PLEKHA6: variants seen among roughly 807,000 people sequenced by gnomAD.
PLEKHA6 encodes pleckstrin homology domain-containing family A member 6.
A neutral mutation model predicts 116.7 loss-of-function variants in PLEKHA6; 60 were observed. The ratio of observed to expected loss-of-function variants is 0.51; its 90% CI spans 0.42 to 0.64. The LOEUF (loss-of-function observed/expected upper bound fraction) is 0.64, where lower values mean the gene tolerates loss of function less well. Among genes scored for constraint, PLEKHA6 ranks in the 30% least tolerant of loss-of-function variants. The pLI, the probability that PLEKHA6 is intolerant of heterozygous loss-of-function variation, is 0.00. For synonymous variants in PLEKHA6, 489 were observed against 556.1 expected (o/e 0.88, Z 1.70); for missense variants, 1,338 against 1,422.7 (o/e 0.94, Z 0.96).
chr1:204,278,736 A>C (rs1402688532), intron 1 of PLEKHA6, among the ~76,000 whole-genome samples: 1 of 152,226 alleles, frequency 6.6e-6, no homozygotes, highest in African/African-American at 2.4e-5. Context: ...TGGTGACAGG[A>C]GGCCTCGGTT....
chr1:204,258,861 G>A (rs952216235), intron 8 of PLEKHA6, among the ~76,000 whole-genome samples: 1 of 152,222 alleles, frequency 6.6e-6, no homozygotes, highest in African/African-American at 2.4e-5. Flanking sequence ...GGCAGTTAGT[G>A]AGTCTCAAGT....
intron 1 of PLEKHA6, among the ~76,000 whole-genome samples, chr1:204,301,807 G>T (rs1469331384): frequency 6.6e-6 from 1 of 152,132 alleles, no homozygotes; most frequent in Non-Finnish European, 1.5e-5. Flanking sequence ...ACCAGCCCTG[G>T]TCAGTAACAG....
chr1:204,363,969 A>G (rs1262703804), upstream of PLEKHA6, among the ~76,000 whole-genome samples: 1 of 152,120 alleles, frequency 6.6e-6, no homozygotes, highest in African/African-American at 2.4e-5. Context: ...AACCACACGC[A>G]CACTCGAGCA....
intron 1 of PLEKHA6, chr1:204,347,377 C>A (rs1673100515): frequency 5.1e-6 from 3 of 593,596 alleles, no homozygotes; most frequent in Non-Finnish European, 9.0e-6. Flanking sequence ...AAGGTGATCT[C>A]TCTTGTTCCC....
At chr1:204,273,822 C>T in intron 2 of PLEKHA6, 82 bp from the exon 3 acceptor site, 1 of 932,778 alleles carries the variant, frequency 1.1e-6, no homozygotes, top group Non-Finnish European at 1.7e-6. Flanking sequence ...CCACACCCTG[C>T]CACCCACTGT....
chr1:204,255,617 T>C (rs1665175555), intron 9 of PLEKHA6: 6 of 702,886 alleles, frequency 8.5e-6, no homozygotes, highest in Non-Finnish European at 1.0e-5. Flanking sequence ...GGGCACCAGC[T>C]CTGCCTACCT....
chr1:204,329,530 C>T (rs1313200695), intron 1 of PLEKHA6, among the ~76,000 whole-genome samples: 1 of 152,142 alleles, frequency 6.6e-6, no homozygotes, highest in East Asian at 1.9e-4. Context: ...ATCTAGGCTG[C>T]CAATATCACA....
chr1:204,293,866 AC>A (rs1670011278), intron 1 of PLEKHA6, among the ~76,000 whole-genome samples: 1 of 152,220 alleles, frequency 6.6e-6, no homozygotes, highest in Non-Finnish European at 1.5e-5. Flanking sequence ...CAATGCATGA[AC>A]ATGGAGAAAG....
intron 3 of PLEKHA6, among the ~76,000 whole-genome samples, chr1:204,366,212 CAAGAGGGAG>C (rs1367823175): frequency 6.6e-6 from 1 of 152,092 alleles, no homozygotes; most frequent in Non-Finnish European, 1.5e-5. Context: ...ATGGTATCTG[CAAGAGGGAG>C]AAAAGAAGAA....
At chr1:204,349,616 G>A (rs979916266) in intron 1 of PLEKHA6, among the ~76,000 whole-genome samples, 17 of 151,974 alleles carry the variant, frequency 1.1e-4, no homozygotes, top group African/African-American at 3.6e-4. Context: ...TTCAGCAGGC[G>A]TTAGGGTGGG....
At position 204,328,480 on chromosome 1, in the gene PLEKHA6, T is replaced by C. The variant is rs1398859859; in HGVS notation, c.-95+31214A>G. On this transcript the variant is annotated intron_variant, in intron 1 of 22. Transcript: ENST00000272203. ...GGCACCATCTCGGCTCACTGCAACC[T>C]CTGCCTCTCGGGTTTCCCTGCCTCA... Among the ~76,000 whole-genome samples the C allele has an allele frequency of 2.0e-5, 3 of 151,340 alleles. No individual in the cohort carries two copies. The East Asian group carries it at 5.8e-4, about 29-fold the overall frequency.
chr1:204,226,464 C>T (rs1348971341), intron 21 of PLEKHA6, among the ~76,000 whole-genome samples: 3 of 152,180 alleles, frequency 2.0e-5, no homozygotes, highest in Non-Finnish European at 2.9e-5. Flanking sequence ...TCTCTAACCC[C>T]TTGAAACAGG....
Position 204,228,677 on chromosome 1 carries a change from C to T in PLEKHA6, c.2885+51G>A. The T allele has an allele frequency of 2.5e-6, 4 of 1,593,272 alleles. No individual in the cohort carries two copies. The highest frequency in any genetic ancestry group is 3.4e-6 in the Non-Finnish European group (4 of 1,161,636). On this transcript the variant is annotated intron_variant, in intron 20 of 22. Transcript: ENST00000272203. This position sits in a 1 kb window ranked among gnomAD's most constrained non-coding sequence, Gnocchi z 4.0. ...CAACGACTTCTAGTGGCCCAGGTGT[C>T]CTAGGTGCCAGGGTGAGCAGAGGAA...
chr1:204,360,154 G>GC (rs1282849773), upstream of PLEKHA6, among the ~76,000 whole-genome samples: 1 of 152,218 alleles, frequency 6.6e-6, no homozygotes, highest in Non-Finnish European at 1.5e-5. Flanking sequence ...GGAGAAGGCT[G>GC]CCCCCCAAAG....
At chr1:204,265,425 T>A (rs1666680782) in intron 5 of PLEKHA6, among the ~76,000 whole-genome samples, 1 of 152,214 alleles carries the variant, frequency 6.6e-6, no homozygotes, top group Non-Finnish European at 1.5e-5. Flanking sequence ...AACAAACCTA[T>A]GAGGAGGTAC....
intron 1 of PLEKHA6, among the ~76,000 whole-genome samples, chr1:204,276,757 T>C (rs892632191): frequency 6.6e-6 from 1 of 151,468 alleles, no homozygotes; most frequent in African/African-American, 2.4e-5. Context: ...GCCCCAGACT[T>C]TCCTACCCAG....
At chr1:204,225,199 G>A (rs1373707099) in intron 21 of PLEKHA6, among the ~76,000 whole-genome samples, 1 of 152,184 alleles carries the variant, frequency 6.6e-6, no homozygotes, top group Non-Finnish European at 1.5e-5. Flanking sequence ...ATTTAGCATA[G>A]CTACAAACAG....
At chr1:204,336,336 C>T (rs1672648606) in intron 1 of PLEKHA6, among the ~76,000 whole-genome samples, 1 of 152,224 alleles carries the variant, frequency 6.6e-6, no homozygotes. Flanking sequence ...GCTCACAAAC[C>T]TGCAGTGCTT....
chr1:204,233,134 A>G (rs1661426598), intron 17 of PLEKHA6, among the ~76,000 whole-genome samples: 1 of 143,774 alleles, frequency 7.0e-6, no homozygotes, highest in African/African-American at 2.6e-5. Flanking sequence ...GTCCTCCACC[A>G]TTGTATTTTG....
Sources: gnomAD v4.1 joint callset for allele counts (sites outside exome capture counted in the v4.1 genomes callset) on GRCh38, gnomAD v4.1.1 for gene constraint, Gnocchi (gnomAD v3.1) non-coding constraint, MANE v1.5 for transcripts, NCBI Gene and HGNC (gene_info 2026-07-23, HGNC 2026-07-21) for gene names.